The following SLC22A3 variants were observed in gnomAD, a reference collection of about 807,000 sequenced individuals.
SLC22A3 encodes EMT organic cation transporter 3.
Under a neutral mutation model 59.1 loss-of-function variants are expected in SLC22A3, and 51 were observed. That is an observed-to-expected ratio of 0.86 (90% CI 0.69 to 1.09). SLC22A3 has a LOEUF of 1.09. Ranked by LOEUF, SLC22A3 falls within the 50% of genes least tolerant of loss-of-function variation. The pLI is 0.00. For missense variants in SLC22A3, 711 were observed against 726.3 expected (o/e 0.98, Z 0.24); for synonymous variants, 325 against 292.0 (o/e 1.11, Z -1.15).
chr6:160,425,483 AT>A (rs1305131227), intron 5 of SLC22A3, among the ~76,000 whole-genome samples: 1 of 152,034 alleles, frequency 6.6e-6, no homozygotes, highest in African/African-American at 2.4e-5. Context: ...GATGCCTTCT[AT>A]TTTCTCTAAT....
intron 6 of SLC22A3, 49 bp downstream of exon 6, chr6:160,436,926 A>ACATC (rs1562500856): frequency 1.2e-6 from 2 of 1,609,332 alleles, no homozygotes; most frequent in Non-Finnish European, 1.7e-6. Context: ...AATTTACAAT[A>ACATC]CATCCCTTCC....
chr6:160,419,285 G>C (rs182951063), intron 5 of SLC22A3, among the ~76,000 whole-genome samples: 1 of 152,286 alleles, frequency 6.6e-6, no homozygotes, highest in East Asian at 1.9e-4. Flanking sequence ...GGACTTTCCA[G>C]CTTTGGGAAT....
At chr6:160,435,878 C>A (rs1316805460) in intron 5 of SLC22A3, among the ~76,000 whole-genome samples, 1 of 152,158 alleles carries the variant, frequency 6.6e-6, no homozygotes, top group African/African-American at 2.4e-5. Flanking sequence ...TTGTTGAACA[C>A]CAGGCACTTT....
At chr6:160,369,948 G>T (rs116835927) in intron 1 of SLC22A3, among the ~76,000 whole-genome samples, 5 of 152,218 alleles carry the variant, frequency 3.3e-5, no homozygotes, top group Non-Finnish European at 7.3e-5. Flanking sequence ...GGCAGGAGCC[G>T]TCAGGGTGTC....
At chr6:160,384,438 T>A (rs1785917104) in intron 1 of SLC22A3, among the ~76,000 whole-genome samples, 1 of 152,092 alleles carries the variant, frequency 6.6e-6, no homozygotes, top group Non-Finnish European at 1.5e-5. Flanking sequence ...ATATAGACAA[T>A]AATTGACTTA....
rs942376723 is a variant in SLC22A3 at position 160,398,057 on chromosome 6, T to C, written c.508T>C (p.Phe170Leu). 9 of 1,613,630 alleles carry C rather than the reference T, an allele frequency of 5.6e-6. No individual in the cohort carries two copies. In the African/African-American group the frequency reaches 1.1e-4, roughly 19 times the overall value. ...ILNLGFLTGAFTLGYAADRYG... is the reference protein window; with the variant it reads ...ILNLGFLTGALTLGYAADRYG... ...GAACCTCGGCTTCCTGACTGGAGCA[T>C]TCACCTTAGGCTATGCAGCAGACAG... is the stretch of plus-strand genomic sequence containing the variant. Residue 170 changes from phenylalanine (F) to leucine (L), a missense_variant, in exon 2 of 11, where the codon TTC (phenylalanine) becomes CTC (leucine). Transcript: ENST00000275300.
At chr6:160,418,178 T>C (rs1442088125) in intron 5 of SLC22A3, among the ~76,000 whole-genome samples, 1 of 152,136 alleles carries the variant, frequency 6.6e-6, no homozygotes, top group African/African-American at 2.4e-5. Flanking sequence ...GTGAGCACCA[T>C]CCAGTTGGCT....
intron 5 of SLC22A3, among the ~76,000 whole-genome samples, chr6:160,411,567 T>C (rs532600034): frequency 2.0e-5 from 3 of 152,186 alleles, no homozygotes; most frequent in African/African-American, 7.2e-5. Context: ...CAAGACCCCA[T>C]CTCTACAAAT....
In SLC22A3 at chr6:160,384,182, G is replaced by A. The variant is rs188901428; in HGVS notation, c.430-13797G>A. Among the ~76,000 whole-genome samples the A allele has an allele frequency of 2.0e-5, 3 of 152,116 alleles. No individual in the cohort carries two copies. In the East Asian group the frequency reaches 5.8e-4, roughly 29 times the overall value. ...TGACCCTGTGTGATCTGCCCACCTC[G>A]GCCTCCCAAAGTGAGCCACCACGCC... On this transcript the variant is annotated intron_variant, in intron 1 of 10. Transcript: ENST00000275300.
At chr6:160,397,378 C>T (rs1203966973) in intron 1 of SLC22A3, among the ~76,000 whole-genome samples, 2 of 151,872 alleles carry the variant, frequency 1.3e-5, no homozygotes, top group African/African-American at 4.8e-5. Flanking sequence ...TCCTAACAGG[C>T]CACAAACTGG....
At chr6:160,430,056 G>T (rs1788094838) in intron 5 of SLC22A3, among the ~76,000 whole-genome samples, 1 of 151,794 alleles carries the variant, frequency 6.6e-6, no homozygotes, top group Non-Finnish European at 1.5e-5. Context: ...TGTGCCAGGT[G>T]TGTGTGTGTT....
At chr6:160,423,536 G>A (rs1020040996) in intron 5 of SLC22A3, among the ~76,000 whole-genome samples, 8 of 152,176 alleles carry the variant, frequency 5.3e-5, no homozygotes, top group Non-Finnish European at 1.2e-4. Context: ...TCTAACTGGT[G>A]TGAGATGGTA....
chr6:160,355,035 C>T (rs1375342238), intron 1 of SLC22A3, among the ~76,000 whole-genome samples: 5 of 152,220 alleles, frequency 3.3e-5, no homozygotes, highest in African/African-American at 1.2e-4. Context: ...TTCCTGGAGG[C>T]ATGCGAGGCA....
chr6:160,425,155 G>T (rs574959080), intron 5 of SLC22A3, among the ~76,000 whole-genome samples: 1 of 152,218 alleles, frequency 6.6e-6, no homozygotes, highest in South Asian at 2.1e-4. Context: ...ACATTTTGTT[G>T]TCTAGAAATA....
At chr6:160,354,047 C>T (rs1784748493) in intron 1 of SLC22A3, among the ~76,000 whole-genome samples, 1 of 152,164 alleles carries the variant, frequency 6.6e-6, no homozygotes, top group African/African-American at 2.4e-5. Flanking sequence ...GGGAAGCCCA[C>T]AGCTGAACCA....
intron 7 of SLC22A3, among the ~76,000 whole-genome samples, chr6:160,442,488 A>G (rs1788583957): frequency 6.6e-6 from 1 of 152,256 alleles, no homozygotes; most frequent in Non-Finnish European, 1.5e-5. Context: ...GTTCCAATGT[A>G]GTGGCTGCTC....
intron 1 of SLC22A3, among the ~76,000 whole-genome samples, chr6:160,374,810 G>A (rs550662719): frequency 2.0e-5 from 3 of 152,316 alleles, no homozygotes; most frequent in Non-Finnish European, 4.4e-5. Flanking sequence ...AGGGCAGGGC[G>A]TTCAGGCCTC....
At chr6:160,431,411 C>G (rs982062845) in intron 5 of SLC22A3, among the ~76,000 whole-genome samples, 7 of 152,162 alleles carry the variant, frequency 4.6e-5, no homozygotes, top group Admixed American at 1.3e-4. Context: ...ATCTGCGTCA[C>G]TGTGGAGATG....
intron 7 of SLC22A3, among the ~76,000 whole-genome samples, chr6:160,437,998 T>C (rs1788411528): frequency 6.6e-6 from 1 of 152,106 alleles, no homozygotes; most frequent in Admixed American, 6.6e-5. Flanking sequence ...CCTGTGAGCT[T>C]GCGGAGGAGG....
Sources: allele counts gnomAD v4.1 joint callset (sites outside exome capture counted in the v4.1 genomes callset), GRCh38; gene constraint gnomAD v4.1.1; transcripts MANE v1.5; gene names NCBI Gene and HGNC (gene_info 2026-07-23, HGNC 2026-07-21).